The following LYPLAL1 variants were observed in gnomAD, a reference collection of about 807,000 sequenced individuals.
LYPLAL1 encodes lysophospholipase-like protein 1.
In LYPLAL1, 23 loss-of-function variants were observed where a neutral mutation model predicts 19.7. The ratio of observed to expected loss-of-function variants is 1.17; its 90% CI spans 0.84 to 1.65. The LOEUF is 1.65. Ranked by LOEUF, LYPLAL1 falls within the 40% of genes most tolerant of loss-of-function variation. LYPLAL1 has a pLI of 0.00. For missense variants in LYPLAL1, 355 were observed against 279.4 expected, an observed-to-expected ratio of 1.27 and a Z score of -1.93; for synonymous variants, 119 against 96.3, an observed-to-expected ratio of 1.24 and a Z score of -1.38.
At chr1:219,307,262 A>C in the LYPLAL1 span, among the ~76,000 whole-genome samples, 1 of 151,796 alleles carries the variant, frequency 6.6e-6, no homozygotes, top group East Asian at 1.9e-4. Flanking sequence ...CTTCACATAT[A>C]CCCCTTTTAG....
the LYPLAL1 span, among the ~76,000 whole-genome samples, chr1:219,408,859 T>C: frequency 6.6e-6 from 1 of 152,236 alleles, no homozygotes; most frequent in African/African-American, 2.4e-5. Flanking sequence ...TAATGGGAAA[T>C]ATTTGGAAAG....
At chr1:219,285,403 G>A in the LYPLAL1 span, among the ~76,000 whole-genome samples, 1 of 152,152 alleles carries the variant, frequency 6.6e-6, no homozygotes, top group East Asian at 1.9e-4. Context: ...TATATCACTA[G>A]AGGGACACTA....
chr1:219,390,325 G>A, the LYPLAL1 span, among the ~76,000 whole-genome samples: 88 of 152,190 alleles, frequency 5.8e-4, 1 homozygote, highest in Middle Eastern at 3.4e-3. Context: ...TCCTTTATCA[G>A]ACAGAGAAAA....
At chr1:219,368,098 A>T in the LYPLAL1 span, among the ~76,000 whole-genome samples, 5 of 152,176 alleles carry the variant, frequency 3.3e-5, no homozygotes, top group Non-Finnish European at 7.3e-5. Flanking sequence ...AAAAAAGTAA[A>T]AATCTATCTC....
chr1:219,211,696 A>C lies in LYPLAL1; in HGVS notation c.682A>C (p.Lys228Gln). The C allele has an allele frequency of 6.2e-7, 1 of 1,610,224 alleles. No homozygotes were observed. The highest frequency in any genetic ancestry group is 1.1e-5 in the South Asian group (1 of 90,540). ...CATATTGAAGTTATGGATTCTTACA[A>C]AGCTGCCAGGAGAAATGGAAAAACA... ...LDILKLWILT[K>Q]LPGEMEKQK Residue 228 changes from lysine (K) to glutamine (Q), a missense_variant, in exon 5 of 5, where the codon AAG becomes CAG. Physicochemically the swap from Lys to Gln is moderately conservative, Grantham distance 53. Coordinates refer to ENST00000366928, the MANE Select transcript of LYPLAL1 (RefSeq NM_138794.5).
chr1:219,442,074 A>T, the LYPLAL1 span, among the ~76,000 whole-genome samples: 1 of 152,206 alleles, frequency 6.6e-6, no homozygotes, highest in Non-Finnish European at 1.5e-5. Flanking sequence ...AAATGATTAA[A>T]CAATACCATT....
At chr1:219,355,797 A>T in the LYPLAL1 span, among the ~76,000 whole-genome samples, 1 of 152,124 alleles carries the variant, frequency 6.6e-6, no homozygotes, top group East Asian at 1.9e-4. Flanking sequence ...TTAAATTAGA[A>T]ATCAAAAGCA....
the LYPLAL1 span, among the ~76,000 whole-genome samples, chr1:219,431,604 G>A: frequency 3.3e-5 from 5 of 152,134 alleles, no homozygotes; most frequent in Admixed American, 6.5e-5. Context: ...TGCTTCTTCC[G>A]TGGCCCTTAC....
chr1:219,280,841 G>GGT, the LYPLAL1 span, among the ~76,000 whole-genome samples: 3 of 152,056 alleles, frequency 2.0e-5, no homozygotes, highest in Admixed American at 6.6e-5. Flanking sequence ...CGAGGTCAGG[G>GGT]GTTCAAGACC....
chr1:219,338,468 A>G, the LYPLAL1 span, among the ~76,000 whole-genome samples: 2 of 152,094 alleles, frequency 1.3e-5, no homozygotes, highest in African/African-American at 4.8e-5. Context: ...GTTATCTGTT[A>G]CTTGCAGCTA....
the LYPLAL1 span, among the ~76,000 whole-genome samples, chr1:219,321,001 A>T: frequency 6.6e-6 from 1 of 152,162 alleles, no homozygotes; most frequent in African/African-American, 2.4e-5. Flanking sequence ...TTCTAGGTCC[A>T]TGAAGAATCA....
At chr1:219,298,814 CT>C in the LYPLAL1 span, among the ~76,000 whole-genome samples, 1 of 152,172 alleles carries the variant, frequency 6.6e-6, no homozygotes, top group Non-Finnish European at 1.5e-5. Flanking sequence ...TGATAATAAT[CT>C]TTTTTGAAAT....
chr1:219,349,680 G>T, the LYPLAL1 span, among the ~76,000 whole-genome samples: 1 of 152,146 alleles, frequency 6.6e-6, no homozygotes, highest in Non-Finnish European at 1.5e-5. Flanking sequence ...GATCAAGAGG[G>T]CAGCATGAAA....
the LYPLAL1 span, among the ~76,000 whole-genome samples, chr1:219,258,952 C>A: frequency 4.6e-5 from 7 of 152,016 alleles, no homozygotes; most frequent in South Asian, 1.5e-3. Flanking sequence ...AAAAAGTGGG[C>A]TAAGGACATG....
the LYPLAL1 span, among the ~76,000 whole-genome samples, chr1:219,306,741 C>CATAGATAGATAG: frequency 0.08 from 10,220 of 127,254 alleles, 529 homozygotes; most frequent in Middle Eastern, 0.11. Context: ...CAGACAGATG[C>CATAGATAGATAG]ATAGATAGAT....
the LYPLAL1 span, among the ~76,000 whole-genome samples, chr1:219,300,154 GT>G: frequency 6.6e-6 from 1 of 152,004 alleles, no homozygotes; most frequent in African/African-American, 2.4e-5. Context: ...CACCTAATAT[GT>G]TTAGTTTTTG....
At chr1:219,343,716 T>C in the LYPLAL1 span, among the ~76,000 whole-genome samples, 1 of 152,166 alleles carries the variant, frequency 6.6e-6, no homozygotes, top group Admixed American at 6.5e-5. Context: ...TATTTCATTG[T>C]GCTTTACTTC....
chr1:219,316,644 G>A, the LYPLAL1 span, among the ~76,000 whole-genome samples: 1 of 152,154 alleles, frequency 6.6e-6, no homozygotes, highest in Non-Finnish European at 1.5e-5. Context: ...AGCAACCCAT[G>A]TGTCCATTGA....
At chr1:219,429,092 T>C in the LYPLAL1 span, among the ~76,000 whole-genome samples, 5 of 152,312 alleles carry the variant, frequency 3.3e-5, no homozygotes, top group African/African-American at 9.6e-5. Flanking sequence ...CTCTTCCAGA[T>C]TGTCCATCAA....
Sources: gnomAD v4.1 joint callset for allele counts (sites outside exome capture counted in the v4.1 genomes callset) on GRCh38, gnomAD v4.1.1 for gene constraint, MANE v1.5 for transcripts, NCBI Gene and HGNC (gene_info 2026-07-23, HGNC 2026-07-21) for gene names.